The following SHC4 variants were observed in gnomAD, a reference collection of about 807,000 sequenced individuals.
SHC4 encodes the protein SHC adaptor protein 4.
In SHC4, 41 loss-of-function variants were observed where a neutral mutation model predicts 69.4. That is an observed-to-expected ratio of 0.59 (90% CI 0.46 to 0.77). The LOEUF (loss-of-function observed/expected upper bound fraction) is 0.77. Ranked by LOEUF, SHC4 falls within the 30% of genes least tolerant of loss-of-function variation. The pLI, the probability that SHC4 is intolerant of heterozygous loss-of-function variation, is 0.00. For synonymous variants in SHC4, 318 were observed against 299.3 expected (o/e 1.06, Z -0.64); for missense variants, 777 against 783.8 (o/e 0.99, Z 0.10).
chr15:48,902,416 A>T (rs539350984), intron 2 of SHC4, among the ~76,000 whole-genome samples: 1 of 152,306 alleles, frequency 6.6e-6, no homozygotes, highest in African/African-American at 2.4e-5. Flanking sequence ...GGTACCTAGT[A>T]GGCTGCCTTG....
At chr15:48,886,716 C>G (rs1365339276) in intron 3 of SHC4, among the ~76,000 whole-genome samples, 1 of 152,164 alleles carries the variant, frequency 6.6e-6, no homozygotes, top group Non-Finnish European at 1.5e-5. Context: ...GCATAGTATA[C>G]AGCGAAGTGC....
chr15:48,830,694 A>C (rs1165367425), intron 11 of SHC4, among the ~76,000 whole-genome samples: 1 of 152,242 alleles, frequency 6.6e-6, no homozygotes, highest in African/African-American at 2.4e-5. Context: ...GACTAAAAAC[A>C]TGGATCCCCA....
chr15:48,889,549 A>T (rs1309225205), intron 3 of SHC4, among the ~76,000 whole-genome samples: 1 of 152,330 alleles, frequency 6.6e-6, no homozygotes, highest in Non-Finnish European at 1.5e-5. Flanking sequence ...AAGATCTCTT[A>T]AAAAACCCTT....
intron 11 of SHC4, among the ~76,000 whole-genome samples, chr15:48,828,931 C>T (rs191883450): frequency 2.0e-5 from 3 of 152,218 alleles, no homozygotes; most frequent in East Asian, 1.9e-4. Flanking sequence ...TTATCAGATA[C>T]ATTGTTTGTA....
At chr15:48,874,630 A>C (rs1204619860) in intron 4 of SHC4, among the ~76,000 whole-genome samples, 2 of 152,178 alleles carry the variant, frequency 1.3e-5, no homozygotes, top group Non-Finnish European at 2.9e-5. Context: ...GGTAGAGCTG[A>C]GGTGGTGACG....
At chr15:48,894,041 G>T (rs1283380493) in intron 2 of SHC4, among the ~76,000 whole-genome samples, 1 of 152,182 alleles carries the variant, frequency 6.6e-6, no homozygotes. Context: ...ATAAGTAAAA[G>T]AAACACTTCA....
Position 48,953,403 on chromosome 15 carries a change from TTAAAA to T in SHC4, c.585+9023_585+9027del, listed in dbSNP as rs139592900. Among the ~76,000 whole-genome samples the T allele has an allele frequency of 4.3e-3, 655 of 152,108 alleles. 5 individuals carry two copies. Among genetic ancestry groups the T allele is most frequent in the African/African-American group, 0.015 (637 of 41,464 alleles). ...ACCTATGTAACATGTACCCCTGAACTTAAAATAAAAGTTAAAAAAAAACAAACACT... is the reference window on the plus strand; with the variant it reads ...ACCTATGTAACATGTACCCCTGAACTTAAAAGTTAAAAAAAAACAAACACT... On this transcript the variant is annotated intron_variant, in intron 1 of 11. Transcript: ENST00000332408.
intron 9 of SHC4, among the ~76,000 whole-genome samples, chr15:48,848,001 T>TAAAAAAAAAAAAAAAAAAAAAA (rs571529935): frequency 1.0e-5 from 1 of 99,832 alleles, no homozygotes; most frequent in African/African-American, 3.7e-5. Flanking sequence ...AAACTCCGTC[T>TAAAAAAAAAAAAAAAAAAAAAA]AAAAAAAAAA....
chr15:48,854,405 G>C (rs145063217), intron 8 of SHC4, among the ~76,000 whole-genome samples: 78 of 152,316 alleles, frequency 5.1e-4, no homozygotes, highest in South Asian at 8.3e-4. Context: ...AAGCAGTTTG[G>C]AGAGTTCTCA....
At chr15:48,923,695 A>T (rs1223723593) in intron 2 of SHC4, among the ~76,000 whole-genome samples, 9 of 112,418 alleles carry the variant, frequency 8.0e-5, no homozygotes, top group Non-Finnish European at 1.5e-4. Context: ...ACAGGAGTGT[A>T]TTGGCACAAT....
chr15:48,902,769 G>T (rs77622955), intron 2 of SHC4, among the ~76,000 whole-genome samples: 5,725 of 152,212 alleles, frequency 0.038, 245 homozygotes, highest in East Asian at 0.22. Flanking sequence ...CATGGAGTCT[G>T]CTGTGACTTC....
At chr15:48,948,624 G>A (rs1901313724) in intron 1 of SHC4, among the ~76,000 whole-genome samples, 1 of 152,220 alleles carries the variant, frequency 6.6e-6, no homozygotes, top group African/African-American at 2.4e-5. Flanking sequence ...AAACACACTG[G>A]GCTGGGCGAA....
chr15:48,946,933 A>G (rs1391909717), intron 1 of SHC4, among the ~76,000 whole-genome samples: 1 of 143,968 alleles, frequency 6.9e-6, no homozygotes, highest in African/African-American at 3.0e-5. Context: ...GAGAAGAGAC[A>G]CTTGACATAA....
chr15:48,872,519 T>C (rs1247614289), intron 4 of SHC4, among the ~76,000 whole-genome samples: 2 of 152,250 alleles, frequency 1.3e-5, no homozygotes, highest in African/African-American at 2.4e-5. Flanking sequence ...GGCCATATTA[T>C]GCTGCCATGT....
intron 11 of SHC4, among the ~76,000 whole-genome samples, chr15:48,829,635 C>G (rs1159584703): frequency 1.3e-5 from 2 of 152,248 alleles, no homozygotes; most frequent in East Asian, 3.9e-4. Flanking sequence ...TAAAGTGAGT[C>G]CTTGCCAGGC....
intron 1 of SHC4, among the ~76,000 whole-genome samples, chr15:48,943,867 T>G (rs1253077279): frequency 6.6e-6 from 1 of 152,108 alleles, no homozygotes; most frequent in African/African-American, 2.4e-5. Context: ...CTTGAAGTCC[T>G]ACCCAATAAC....
At chr15:48,880,983 AGAGTGTGTGTGTGT>A (rs1193278735) in intron 4 of SHC4, among the ~76,000 whole-genome samples, 1 of 108,214 alleles carries the variant, frequency 9.2e-6, no homozygotes, top group African/African-American at 4.3e-5. Context: ...GATGTGTGTG[AGAGTGTGTGTGTGT>A]GTGTGTGTGT....
intron 1 of SHC4, among the ~76,000 whole-genome samples, chr15:48,948,558 C>T (rs751036819): frequency 6.6e-5 from 10 of 152,210 alleles, no homozygotes; most frequent in Non-Finnish European, 8.8e-5. Flanking sequence ...CTGTATATGG[C>T]ACCTGTATAT....
chr15:48,929,436 C>A (rs78703336), intron 1 of SHC4, among the ~76,000 whole-genome samples: 1 of 152,104 alleles, frequency 6.6e-6, no homozygotes. Context: ...GTCATTGTTG[C>A]TAACTTTATT....
Sources: allele counts gnomAD v4.1 joint callset (sites outside exome capture counted in the v4.1 genomes callset), GRCh38; gene constraint gnomAD v4.1.1; transcripts MANE v1.5; gene names NCBI Gene and HGNC (gene_info 2026-07-23, HGNC 2026-07-21).